TEC: variants seen among roughly 807,000 people sequenced by gnomAD.
TEC encodes the protein tyrosine-protein kinase Tec.
Under a neutral mutation model 93.0 loss-of-function variants are expected in TEC, and 72 were observed. The ratio of observed to expected loss-of-function variants is 0.77; its 90% CI spans 0.64 to 0.94. The LOEUF is 0.94. Ranked by LOEUF, TEC falls within the 40% of genes least tolerant of loss-of-function variation. TEC has a pLI of 0.00. For synonymous variants in TEC, 249 were observed against 247.7 expected, an observed-to-expected ratio of 1.01 and a Z score of -0.05; for missense variants, 630 against 757.9, an observed-to-expected ratio of 0.83 and a Z score of 1.98.
At chr4:48,176,623 G>A (rs1057292613) in intron 2 of TEC, among the ~76,000 whole-genome samples, 4 of 152,208 alleles carry the variant, frequency 2.6e-5, no homozygotes, top group Admixed American at 6.5e-5. Context: ...TCAGGAGGCT[G>A]AGGCATGAGA....
At chr4:48,247,899 T>C (rs1285773233) in intron 1 of TEC, among the ~76,000 whole-genome samples, 1 of 152,202 alleles carries the variant, frequency 6.6e-6, no homozygotes, top group Non-Finnish European at 1.5e-5. Flanking sequence ...TAAGAAACAA[T>C]ACATGTACAA....
chr4:48,160,767 A>AAAAG (rs1220103243), intron 8 of TEC, among the ~76,000 whole-genome samples: 9 of 146,146 alleles, frequency 6.2e-5, no homozygotes, highest in Non-Finnish European at 1.2e-4. Flanking sequence ...GAAAGAAAAG[A>AAAAG]AAAAAAGAAA....
At chr4:48,186,861 G>A (rs1284382551) in intron 2 of TEC, among the ~76,000 whole-genome samples, 3 of 149,704 alleles carry the variant, frequency 2.0e-5, no homozygotes, top group East Asian at 2.0e-4. Flanking sequence ...GGTGGGGGGC[G>A]CCTCTGCCCG....
chr4:48,226,240 T>C (rs564958803), intron 2 of TEC, among the ~76,000 whole-genome samples: 2 of 152,346 alleles, frequency 1.3e-5, no homozygotes, highest in South Asian at 4.1e-4. Flanking sequence ...TTTTCATTAG[T>C]AAAAAAATTG....
intron 1 of TEC, among the ~76,000 whole-genome samples, chr4:48,269,400 G>A (rs1724724297): frequency 6.6e-6 from 1 of 152,266 alleles, no homozygotes; most frequent in South Asian, 2.1e-4. Flanking sequence ...GCTGGGACGT[G>A]ACCCCAACGC....
At chr4:48,208,825 C>T (rs1193218159) in intron 2 of TEC, among the ~76,000 whole-genome samples, 3 of 152,192 alleles carry the variant, frequency 2.0e-5, no homozygotes, top group Non-Finnish European at 1.5e-5. Context: ...TACAACAGTA[C>T]TTGGCACAAA....
intron 9 of TEC, among the ~76,000 whole-genome samples, chr4:48,152,089 A>G (rs1295544135): frequency 6.6e-6 from 1 of 152,214 alleles, no homozygotes; most frequent in Non-Finnish European, 1.5e-5. Flanking sequence ...CCACAAAAAT[A>G]TCTGGTAACA....
intron 2 of TEC, among the ~76,000 whole-genome samples, chr4:48,227,944 C>T (rs2664018): frequency 0.44 from 66,500 of 151,920 alleles, 16,328 homozygotes; most frequent in African/African-American, 0.67. Flanking sequence ...ACGTGCTCAC[C>T]GGCCAGGTTT....
At chr4:48,188,872 CAT>C (rs1491340062) in intron 2 of TEC, among the ~76,000 whole-genome samples, 10 of 151,466 alleles carry the variant, frequency 6.6e-5, no homozygotes, top group South Asian at 2.1e-4. Context: ...TGTGTGTGTG[CAT>C]GTGTGTGTGT....
At chr4:48,144,506 A>G (rs781715073) in intron 14 of TEC, among the ~76,000 whole-genome samples, 70 of 152,204 alleles carry the variant, frequency 4.6e-4, no homozygotes, top group Non-Finnish European at 1.5e-4. Flanking sequence ...AGAGAGTGAG[A>G]ACAGGTGAGA....
In TEC at chr4:48,253,953, C is replaced by G. The variant is rs761603548; in HGVS notation, c.-46+15799G>C. ...TCCAGGACTCAAGCAAGCAAATGTA[C>G]CAGGTCTTTTCATATCCCCATGTAT... On this transcript the variant is annotated intron_variant, in intron 1 of 17. Transcript: ENST00000381501. Among the ~76,000 whole-genome samples, 13 of 152,228 alleles carry G rather than the reference C, an allele frequency of 8.5e-5. No homozygotes were observed. The South Asian group carries it at 1.0e-3, about 12-fold the overall frequency.
intron 1 of TEC, among the ~76,000 whole-genome samples, chr4:48,253,560 T>C (rs1466303590): frequency 6.8e-6 from 1 of 147,420 alleles, no homozygotes; most frequent in African/African-American, 2.5e-5. Context: ...ATAAATGTAA[T>C]CATGTCCAAT....
In TEC at chr4:48,141,379, T is replaced by G; in HGVS notation, c.1511A>C (p.Lys504Thr). ...CCTGGCCATTCCAAAATCAGATACTTTTACAACTCCCGCCTCACTTACTAG... is the reference window on the plus strand; with the variant it reads ...CCTGGCCATTCCAAAATCAGATACTGTTACAACTCCCGCCTCACTTACTAG... ...NCLVSEAGVV[K>T]VSDFGMARYV... Residue 504 changes from lysine to threonine, a missense_variant, in exon 15 of 18, where the codon AAA (lysine) becomes ACA (threonine). Coordinates refer to ENST00000381501, the MANE Select transcript of TEC (RefSeq NM_003215.3). 1 of 1,613,912 alleles carries G rather than the reference T, an allele frequency of 6.2e-7. No individual in the cohort carries two copies. The highest frequency in any genetic ancestry group is 8.5e-7 in the Non-Finnish European group (1 of 1,179,940).
At chr4:48,192,357 G>A (rs984686942) in intron 2 of TEC, among the ~76,000 whole-genome samples, 2 of 152,172 alleles carry the variant, frequency 1.3e-5, no homozygotes, top group Non-Finnish European at 2.9e-5. Flanking sequence ...GGCATGAAGA[G>A]GGAGGTATGA....
chr4:48,247,012 T>C (rs1218832124), intron 1 of TEC, among the ~76,000 whole-genome samples: 2 of 152,166 alleles, frequency 1.3e-5, no homozygotes, highest in African/African-American at 2.4e-5. Flanking sequence ...AATGGTCTAG[T>C]ATCCAGAATA....
rs1035040675 is a variant in TEC, at chr4:48,138,989, A to G, written c.1569T>C (p.Ser523=). The part of the protein sequence containing the change: ...YVLDDQYTSS[S]GAKFPVKWCP... ...ACCACTTCACAGGAAACTTAGCACC[A>G]GAAGAACTTGTGTACTGATCATCCA... is the stretch of plus-strand genomic sequence containing the variant. The change falls in exon 16 of 18, where the codon TCT becomes TCC. Residue 523 remains serine, a synonymous_variant. Transcript: ENST00000381501. 4 of 1,614,236 alleles carry G rather than the reference A, an allele frequency of 2.5e-6. No individual in the cohort carries two copies. The highest frequency in any genetic ancestry group is 1.3e-5 in the African/African-American group (1 of 75,080).
chr4:48,138,874 C>T lies in TEC; in HGVS notation c.1654+30G>A, dbSNP rs79938226. 1.4e-4 allele frequency: 226 copies of T among 1,613,762 alleles called. No individual in the cohort carries two copies. The East Asian group carries it at 3.5e-3, about 25-fold the overall frequency. On this transcript the variant is annotated intron_variant, in intron 16 of 17. Transcript: ENST00000381501. The stretch of plus-strand genomic sequence containing the variant: ...GGATGTATCCACTTTCTCCTCAGGG[C>T]GGACGGACATGAGGAAACATGGATC...
intron 11 of TEC, among the ~76,000 whole-genome samples, chr4:48,148,363 T>G (rs1044861936): frequency 6.6e-6 from 1 of 152,178 alleles, no homozygotes. Context: ...ATAAGTTGTG[T>G]GAAGCACTGG....
chr4:48,152,276 T>A (rs575010899), intron 9 of TEC, among the ~76,000 whole-genome samples: 1 of 151,758 alleles, frequency 6.6e-6, no homozygotes, highest in South Asian at 2.1e-4. Flanking sequence ...AAATACCCCA[T>A]CTTTACTAAA....
Sources: gnomAD v4.1 joint callset for allele counts (sites outside exome capture counted in the v4.1 genomes callset) on GRCh38, gnomAD v4.1.1 for gene constraint, MANE v1.5 for transcripts, NCBI Gene and HGNC (gene_info 2026-07-23, HGNC 2026-07-21) for gene names.